The following GPC6 variants were observed in gnomAD, a reference collection of about 807,000 sequenced individuals.
GPC6 encodes glypican 6, also known as glypican-6.
GPC6 carries 14 observed loss-of-function variants against 55.2 expected under a neutral mutation model. The observed-to-expected ratio is 0.25, with a 90% CI of 0.17 to 0.40. The LOEUF is 0.40. GPC6 is among the 10% of genes least tolerant of loss of function. The probability of loss-of-function intolerance (pLI) is 1.00; values close to 1 mark genes in which losing one functional copy is unlikely to be tolerated. For missense variants in GPC6, 641 were observed against 708.5 expected (o/e 0.90, Z 1.08); for synonymous variants, 278 against 259.6 (o/e 1.07, Z -0.68).
chr13:93,946,566 GT>G (rs1198023348), intron 3 of GPC6, among the ~76,000 whole-genome samples: 1 of 152,210 alleles, frequency 6.6e-6, no homozygotes, highest in Admixed American at 6.5e-5. Context: ...AGGACACACA[GT>G]TTACATCCAT....
At chr13:93,881,830 T>G (rs1469428368) in intron 3 of GPC6, among the ~76,000 whole-genome samples, 1 of 152,114 alleles carries the variant, frequency 6.6e-6, no homozygotes. Context: ...TAACGTTCTC[T>G]GACAGGGAGA....
intron 1 of GPC6, among the ~76,000 whole-genome samples, chr13:93,283,402 C>A (rs553030442): frequency 6.6e-6 from 1 of 152,156 alleles, no homozygotes; most frequent in Non-Finnish European, 1.5e-5. Context: ...GAGATGAGTT[C>A]ATCTGGGCTT....
chr13:93,697,570 C>A (rs1294691859), intron 2 of GPC6, among the ~76,000 whole-genome samples: 2 of 152,154 alleles, frequency 1.3e-5, no homozygotes, highest in Admixed American at 6.6e-5. Flanking sequence ...CAATACCTGC[C>A]ACAAATATAT....
At chr13:93,379,998 G>C (rs1312206284) in intron 1 of GPC6, among the ~76,000 whole-genome samples, 1 of 144,948 alleles carries the variant, frequency 6.9e-6, no homozygotes, top group Admixed American at 6.9e-5. Context: ...GTTTCTCTTT[G>C]TCCATCTCTT....
chr13:93,943,349 A>G (rs182160774), intron 3 of GPC6, among the ~76,000 whole-genome samples: 14 of 152,268 alleles, frequency 9.2e-5, no homozygotes, highest in Admixed American at 9.2e-4. Context: ...GGCTTAACCC[A>G]ATGAGATGCG....
intron 3 of GPC6, among the ~76,000 whole-genome samples, chr13:94,005,742 T>A (rs1442256710): frequency 6.6e-6 from 1 of 152,174 alleles, no homozygotes; most frequent in Non-Finnish European, 1.5e-5. Context: ...ATATTAAACA[T>A]GTTTATTATT....
At chr13:93,486,458 C>G (rs1435837682) in intron 1 of GPC6, among the ~76,000 whole-genome samples, 1 of 152,092 alleles carries the variant, frequency 6.6e-6, no homozygotes, top group Non-Finnish European at 1.5e-5. Context: ...TATTTTCTAA[C>G]CAATGAAGTC....
At chr13:94,116,401 G>A (rs1201292696) in intron 4 of GPC6, among the ~76,000 whole-genome samples, 1 of 152,026 alleles carries the variant, frequency 6.6e-6, no homozygotes, top group Non-Finnish European at 1.5e-5. Flanking sequence ...ATATGTAAAG[G>A]TGCACAAAGG....
intron 4 of GPC6, among the ~76,000 whole-genome samples, chr13:94,115,307 C>T (rs1042539196): frequency 6.6e-6 from 1 of 151,954 alleles, no homozygotes; most frequent in African/African-American, 2.4e-5. Flanking sequence ...AGATTTGAAA[C>T]GCACTGGTAA....
chr13:93,603,445 A>G lies in GPC6; in HGVS notation c.319+58024A>G, dbSNP rs144822340. On this transcript the variant is annotated intron_variant, in intron 2 of 8. Coordinates refer to ENST00000377047, the MANE Select transcript of GPC6 (RefSeq NM_005708.5). ...CTATTTAATACATTTGGTACATATT[A>G]TATACCAGTCACTTTTCTAACAGCT... Among the ~76,000 whole-genome samples the G allele has an allele frequency of 2.8e-3, 433 of 152,354 alleles. 3 individuals are homozygous for G. The highest frequency in any genetic ancestry group is 4.0e-3 in the Non-Finnish European group (271 of 68,028).
intron 2 of GPC6, among the ~76,000 whole-genome samples, chr13:93,798,284 A>C (rs1338691264): frequency 1.3e-5 from 2 of 152,222 alleles, no homozygotes; most frequent in African/African-American, 4.8e-5. Context: ...ATACTGGCAT[A>C]GGTCTTCTGT....
intron 1 of GPC6, among the ~76,000 whole-genome samples, chr13:93,249,374 C>G (rs1368921490): frequency 1.3e-5 from 2 of 152,186 alleles, no homozygotes; most frequent in Admixed American, 1.3e-4. Context: ...AGAATTGTAT[C>G]CTTTCTGCCT....
chr13:93,530,483 C>T (rs900237556), intron 1 of GPC6, among the ~76,000 whole-genome samples: 1 of 152,062 alleles, frequency 6.6e-6, no homozygotes. Context: ...AATGCGGACT[C>T]TCTTGGTCTA....
intron 4 of GPC6, among the ~76,000 whole-genome samples, chr13:94,161,207 T>G (rs1399396166): frequency 1.3e-5 from 2 of 152,216 alleles, no homozygotes; most frequent in African/African-American, 2.4e-5. Flanking sequence ...TTTTCTTTTT[T>G]TCAAATCATG....
chr13:94,023,138 A>AT (rs746090260), intron 3 of GPC6, among the ~76,000 whole-genome samples: 4 of 151,996 alleles, frequency 2.6e-5, no homozygotes, highest in East Asian at 1.9e-4. Context: ...AAAAGAATAC[A>AT]TTTTTTTCAG....
intron 4 of GPC6, among the ~76,000 whole-genome samples, chr13:94,164,752 C>A (rs1465760759): frequency 6.6e-6 from 1 of 152,028 alleles, no homozygotes; most frequent in Non-Finnish European, 1.5e-5. Context: ...ACTCTGCTAC[C>A]TATGGACAGG....
At chr13:93,869,675 A>C (rs1325511206) in intron 3 of GPC6, among the ~76,000 whole-genome samples, 1 of 151,834 alleles carries the variant, frequency 6.6e-6, no homozygotes, top group Non-Finnish European at 1.5e-5. Flanking sequence ...ATGTCCATGC[A>C]TCTGAATATT....
At chr13:93,909,923 G>A (rs1876874678) in intron 3 of GPC6, among the ~76,000 whole-genome samples, 1 of 151,944 alleles carries the variant, frequency 6.6e-6, no homozygotes, top group Non-Finnish European at 1.5e-5. Context: ...CAACAACGTA[G>A]ATTCCTCCAC....
chr13:93,485,011 C>G (rs1879647443), intron 1 of GPC6, among the ~76,000 whole-genome samples: 1 of 152,098 alleles, frequency 6.6e-6, no homozygotes, highest in African/African-American at 2.4e-5. Context: ...AATTATTAAA[C>G]AGCAGTATGG....
Sources: allele counts gnomAD v4.1 joint callset (sites outside exome capture counted in the v4.1 genomes callset), GRCh38; gene constraint gnomAD v4.1.1; transcripts MANE v1.5; gene names NCBI Gene and HGNC (gene_info 2026-07-23, HGNC 2026-07-21).